CEMIP2: variants seen among roughly 807,000 people sequenced by gnomAD.
CEMIP2 encodes cell surface hyaluronidase CEMIP2.
In CEMIP2, 79 loss-of-function variants were observed where a neutral mutation model predicts 146.9. The ratio of observed to expected loss-of-function variants is 0.54; its 90% CI spans 0.45 to 0.65. The LOEUF (loss-of-function observed/expected upper bound fraction) is 0.65. Among genes scored for constraint, CEMIP2 ranks in the 30% least tolerant of loss-of-function variants. The pLI is 0.00. For synonymous variants in CEMIP2, 601 were observed against 606.3 expected (o/e 0.99, Z 0.13); for missense variants, 1,596 against 1,696.2 (o/e 0.94, Z 1.04).
intron 20 of CEMIP2, among the ~76,000 whole-genome samples, chr9:71,697,185 G>T (rs1169487709): frequency 6.6e-6 from 1 of 152,168 alleles, no homozygotes; most frequent in African/African-American, 2.4e-5. Context: ...AGTTTCCAGG[G>T]GATCCTGATG....
intron 13 of CEMIP2, among the ~76,000 whole-genome samples, chr9:71,717,020 A>G (rs1167011463): frequency 6.6e-6 from 1 of 152,076 alleles, no homozygotes; most frequent in African/African-American, 2.4e-5. Context: ...AAAAATTTAA[A>G]AGTTAGCAGG....
chr9:71,758,729 T>G (rs766792636), intron 1 of CEMIP2, among the ~76,000 whole-genome samples: 6 of 152,196 alleles, frequency 3.9e-5, no homozygotes, highest in Non-Finnish European at 7.3e-5. Flanking sequence ...ATTTCCCCCA[T>G]AAAAGACTGC....
chr9:71,758,062 T>C (rs1483390715), intron 1 of CEMIP2, among the ~76,000 whole-genome samples: 1 of 152,214 alleles, frequency 6.6e-6, no homozygotes, highest in Non-Finnish European at 1.5e-5. Flanking sequence ...ATGTATCACC[T>C]ATTCTATTCC....
At chr9:71,736,111 A>G (rs1438036855) in intron 5 of CEMIP2, among the ~76,000 whole-genome samples, 2 of 152,154 alleles carry the variant, frequency 1.3e-5, no homozygotes, top group African/African-American at 4.8e-5. Context: ...TAACATAAAA[A>G]TCTGTCTCAG....
chr9:71,744,950 C>G (rs879049731), intron 4 of CEMIP2, 68 bp downstream of exon 4: 1 of 1,510,532 alleles, frequency 6.6e-7, no homozygotes, highest in East Asian at 2.3e-5. Context: ...TGGCTCCTTT[C>G]CCCACCCTCA....
intron 15 of CEMIP2, among the ~76,000 whole-genome samples, chr9:71,713,511 A>T (rs1822967476): frequency 6.6e-6 from 1 of 152,216 alleles, no homozygotes; most frequent in Admixed American, 6.5e-5. Context: ...TAAAGATATG[A>T]TCATATTAAA....
At chr9:71,708,184 T>A (rs901243148) in intron 17 of CEMIP2, among the ~76,000 whole-genome samples, 1 of 152,156 alleles carries the variant, frequency 6.6e-6, no homozygotes, top group Non-Finnish European at 1.5e-5. Flanking sequence ...AGACTCCGTC[T>A]CAAAAATAAA....
chr9:71,741,185 A>ATATT (rs1823903272), intron 4 of CEMIP2, among the ~76,000 whole-genome samples: 1 of 72,206 alleles, frequency 1.4e-5, no homozygotes, highest in Non-Finnish European at 2.5e-5. Flanking sequence ...ACTGAGTTAG[A>ATATT]TTTTTTTTTT....
chr9:71,728,241 A>ATATACATATATATATACG (rs1554684648), intron 10 of CEMIP2, among the ~76,000 whole-genome samples: 1 of 48,082 alleles, frequency 2.1e-5, no homozygotes, highest in Admixed American at 2.5e-4. Flanking sequence ...CTATATATAT[A>ATATACATATATATATACG]TATATATATG....
intron 13 of CEMIP2, 148 bp downstream of exon 13, chr9:71,717,800 A>G (rs946932847): frequency 1.5e-5 from 11 of 731,160 alleles, no homozygotes; most frequent in Non-Finnish European, 1.0e-5. Context: ...TTTTAACTCT[A>G]GCATACTTCC....
chr9:71,704,925 A>C, intron 17 of CEMIP2, 122 bp from the exon 18 acceptor site: 1 of 911,162 alleles, frequency 1.1e-6, no homozygotes, highest in Non-Finnish European at 1.7e-6. Flanking sequence ...TCTGTGCCAG[A>C]CTAAGTGAGC....
intron 22 of CEMIP2, 88 bp from the exon 23 acceptor site, chr9:71,685,934 G>T: frequency 1.1e-6 from 1 of 892,556 alleles, no homozygotes; most frequent in Non-Finnish European, 1.8e-6. Flanking sequence ...ACTGACTGCT[G>T]AATAGAAATA....
At chr9:71,740,279 C>T in intron 4 of CEMIP2, 47 bp from the exon 5 acceptor site, 1 of 1,589,952 alleles carries the variant, frequency 6.3e-7, no homozygotes, top group Non-Finnish European at 8.6e-7. Flanking sequence ...TCATGGTATT[C>T]ACAAAATCCC....
chr9:71,696,737 T>A (rs1822414918), intron 20 of CEMIP2, among the ~76,000 whole-genome samples: 1 of 151,934 alleles, frequency 6.6e-6, no homozygotes, highest in African/African-American at 2.4e-5. Flanking sequence ...GCCACTGCAC[T>A]CCAGCCTGGG....
Position 71,720,981 on chromosome 9 carries a change from T to C in CEMIP2, c.2267+1446A>G, listed in dbSNP as rs141887060. Among the ~76,000 whole-genome samples, 17 of 152,290 alleles carry C rather than the reference T, an allele frequency of 1.1e-4. 1 individual carries two copies. The highest frequency in any genetic ancestry group is 3.8e-4 in the African/African-American group (16 of 41,572). On this transcript the variant is annotated intron_variant, in intron 12 of 23. Transcript: ENST00000377044. ...AAGCCATTATGAGTAAATTGTTTTA[T>C]TGTCAAGTCTAATTAAAACATCAAT... is the stretch of plus-strand genomic sequence containing the variant.
At chr9:71,758,407 A>AC (rs1589169896) in intron 1 of CEMIP2, among the ~76,000 whole-genome samples, 2 of 152,148 alleles carry the variant, frequency 1.3e-5, no homozygotes, top group African/African-American at 2.4e-5. Flanking sequence ...TGAAAACCCA[A>AC]CCCCCTGGTG....
intron 4 of CEMIP2, among the ~76,000 whole-genome samples, chr9:71,743,152 A>G (rs368145705): frequency 2.0e-5 from 3 of 151,232 alleles, no homozygotes; most frequent in East Asian, 3.9e-4. Context: ...AAGAAGCCGG[A>G]CACAAAATAT....
intron 5 of CEMIP2, among the ~76,000 whole-genome samples, chr9:71,736,828 T>C (rs1823773405): frequency 6.6e-6 from 1 of 152,142 alleles, no homozygotes; most frequent in Non-Finnish European, 1.5e-5. Context: ...TTAATAAATA[T>C]CAGTACTTCT....
At chr9:71,749,265 T>C (rs1430938809) in intron 2 of CEMIP2, among the ~76,000 whole-genome samples, 2 of 152,198 alleles carry the variant, frequency 1.3e-5, no homozygotes, top group Non-Finnish European at 2.9e-5. Flanking sequence ...TTCCAGGATA[T>C]ATATTGTTAC....
Sources: gnomAD v4.1 joint callset for allele counts (sites outside exome capture counted in the v4.1 genomes callset) on GRCh38, gnomAD v4.1.1 for gene constraint, MANE v1.5 for transcripts, NCBI Gene and HGNC (gene_info 2026-07-23, HGNC 2026-07-21) for gene names.